WWOX: variants seen among roughly 807,000 people sequenced by gnomAD.
The protein encoded by WWOX is WW domain containing oxidoreductase.
Under a neutral mutation model 46.2 loss-of-function variants are expected in WWOX, and 69 were observed. The ratio of observed to expected loss-of-function variants is 1.49; its 90% confidence interval spans 1.23 to 1.82. The LOEUF is 1.82. Among genes scored for constraint, WWOX ranks in the 40% most tolerant of loss-of-function variants. The pLI is 0.00. For synonymous variants in WWOX, 359 were observed against 202.6 expected (o/e 1.77, Z -6.56); for missense variants, 919 against 542.6 (o/e 1.69, Z -6.89).
intron 5 of WWOX, among the ~76,000 whole-genome samples, chr16:78,222,372 A>C (rs1482560615): frequency 6.6e-6 from 1 of 151,536 alleles, no homozygotes; most frequent in Non-Finnish European, 1.5e-5. Flanking sequence ...GAGAAGTCCA[A>C]CTAGCTGAGT....
chr16:78,570,043 T>G (rs1468573372), intron 8 of WWOX, among the ~76,000 whole-genome samples: 2 of 152,200 alleles, frequency 1.3e-5, no homozygotes, highest in East Asian at 1.9e-4. Context: ...CAGGTGGATA[T>G]AAATATAAAG....
chr16:78,746,623 C>G (rs542571468), intron 8 of WWOX, among the ~76,000 whole-genome samples: 1 of 151,454 alleles, frequency 6.6e-6, no homozygotes, highest in South Asian at 2.1e-4. Context: ...GGATATTAGT[C>G]AACATGATGT....
intron 8 of WWOX, among the ~76,000 whole-genome samples, chr16:78,677,004 G>A (rs1222654707): frequency 2.0e-5 from 3 of 151,696 alleles, no homozygotes; most frequent in African/African-American, 7.3e-5. Context: ...TTGGTAGAAC[G>A]TAAGCAAATT....
chr16:79,053,537 C>G (rs752644037), intron 8 of WWOX, among the ~76,000 whole-genome samples: 2 of 152,084 alleles, frequency 1.3e-5, no homozygotes, highest in Non-Finnish European at 2.9e-5. Flanking sequence ...TTGCTTAATC[C>G]TCTGAGTGGA....
rs2045714440 is a variant in WWOX, at chr16:78,935,377, G to A, written c.1057-276231G>A. On this transcript the variant is annotated intron_variant, in intron 8 of 8. Coordinates refer to ENST00000566780, the MANE Select transcript of WWOX (RefSeq NM_016373.4). ...CTCAGATGTTCATCAATGATAGACT[G>A]GATTAAGAAAATGTGGCACATATAC... Among the ~76,000 whole-genome samples, 3 of 152,050 alleles carry A rather than the reference G, an allele frequency of 2.0e-5. No homozygotes were observed. In the South Asian group the frequency reaches 6.2e-4, roughly 32 times the overall value.
chr16:78,635,951 C>T (rs2046557717), intron 8 of WWOX, among the ~76,000 whole-genome samples: 2 of 152,122 alleles, frequency 1.3e-5, no homozygotes, highest in Admixed American at 6.5e-5. Flanking sequence ...TGTGGAAGTA[C>T]AGAGGAAGCC....
intron 8 of WWOX, among the ~76,000 whole-genome samples, chr16:79,082,688 C>T (rs1390280793): frequency 6.6e-6 from 1 of 152,192 alleles, no homozygotes; most frequent in East Asian, 1.9e-4. Context: ...TCTGCCAGCA[C>T]ATTTGGACAT....
rs573469737 is a variant in WWOX at position 78,603,442 on chromosome 16, C to A, written c.1056+170690C>A. On this transcript the variant is annotated intron_variant, in intron 8 of 8. Transcript: ENST00000566780. ...GGGTGCAGTGCCTCATGCCTGCAAT[C>A]CCAGCATTTTGGGAGGTTGAGGAGG... Among the ~76,000 whole-genome samples the A allele has an allele frequency of 3.5e-4, 54 of 152,314 alleles. No homozygotes were observed. The South Asian group carries it at 6.6e-3, about 19-fold the overall frequency.
chr16:79,174,589 A>G (rs1386190505), intron 8 of WWOX, among the ~76,000 whole-genome samples: 2 of 152,224 alleles, frequency 1.3e-5, no homozygotes, highest in African/African-American at 4.8e-5. Flanking sequence ...CAGAGGTTTC[A>G]GTGAGCCGAG....
At chr16:78,229,111 T>TGATC (rs942745141) in intron 5 of WWOX, among the ~76,000 whole-genome samples, 4 of 152,176 alleles carry the variant, frequency 2.6e-5, no homozygotes, top group African/African-American at 9.7e-5. Flanking sequence ...TTCCAGCATG[T>TGATC]GATCATACAT....
At chr16:78,171,640 A>C (rs1262375553) in intron 5 of WWOX, among the ~76,000 whole-genome samples, 1 of 152,154 alleles carries the variant, frequency 6.6e-6, no homozygotes, top group Non-Finnish European at 1.5e-5. Flanking sequence ...AAAAGCTATT[A>C]ATATTATTAA....
intron 8 of WWOX, among the ~76,000 whole-genome samples, chr16:79,090,604 C>G (rs778062897): frequency 4.6e-5 from 7 of 152,232 alleles, no homozygotes; most frequent in Admixed American, 1.3e-4. Flanking sequence ...CTGTATGGCT[C>G]TAGACAGGGT....
At chr16:78,489,226 A>C (rs1415432345) in intron 8 of WWOX, among the ~76,000 whole-genome samples, 1 of 152,206 alleles carries the variant, frequency 6.6e-6, no homozygotes, top group African/African-American at 2.4e-5. Flanking sequence ...ATGAAGAGTT[A>C]GGTCAAGTGA....
chr16:78,913,766 A>G lies in WWOX; in HGVS notation c.1057-297842A>G, dbSNP rs138238637. On this transcript the variant is annotated intron_variant, in intron 8 of 8. Transcript: ENST00000566780. ...AGCCTCCAACTCCTAGGCTGAAGCC[A>G]TCCTCCCACCGTAGCCTCCTGAATA... Among the ~76,000 whole-genome samples the G allele has an allele frequency of 5.0e-3, 752 of 151,566 alleles. 7 individuals carry two copies. Among genetic ancestry groups the G allele is most frequent in the African/African-American group, 0.016 (668 of 41,378 alleles).
chr16:78,487,665 A>G lies in WWOX; in HGVS notation c.1056+54913A>G, dbSNP rs191905376. ...TTAGTAACATCCCTGACCTCTAGCCATTAGATACCATCTCTCCCAGTAGGG... is the reference window on the plus strand; with the variant it reads ...TTAGTAACATCCCTGACCTCTAGCCGTTAGATACCATCTCTCCCAGTAGGG... On this transcript the variant is annotated intron_variant, in intron 8 of 8. Coordinates refer to ENST00000566780, the MANE Select transcript of WWOX (RefSeq NM_016373.4). Among the ~76,000 whole-genome samples, 3 of 152,260 alleles carry G rather than the reference A, an allele frequency of 2.0e-5. No homozygotes were observed. The East Asian group carries it at 5.8e-4, about 29-fold the overall frequency.
intron 8 of WWOX, among the ~76,000 whole-genome samples, chr16:78,922,818 G>A (rs537538824): frequency 1.6e-4 from 25 of 152,124 alleles, no homozygotes; most frequent in Admixed American, 7.9e-4. Context: ...GGAGCTTGGG[G>A]GTCCCAGTCC....
At chr16:78,619,286 C>T (rs2046117764) in intron 8 of WWOX, among the ~76,000 whole-genome samples, 1 of 124,334 alleles carries the variant, frequency 8.0e-6, no homozygotes, top group Non-Finnish European at 1.6e-5. Context: ...ATCGCTTGAA[C>T]CTGGGAGTCG....
intron 8 of WWOX, among the ~76,000 whole-genome samples, chr16:78,662,373 A>G (rs984414025): frequency 2.2e-4 from 34 of 152,148 alleles, no homozygotes; most frequent in Non-Finnish European, 4.9e-4. Flanking sequence ...TGAGACATCT[A>G]GTTTTTTTCT....
At chr16:78,372,100 T>C (rs968511345) in intron 5 of WWOX, among the ~76,000 whole-genome samples, 2 of 152,208 alleles carry the variant, frequency 1.3e-5, no homozygotes, top group African/African-American at 4.8e-5. Context: ...GCAATGAATC[T>C]AGTTGAGTGC....
Sources: gnomAD v4.1 joint callset for allele counts (sites outside exome capture counted in the v4.1 genomes callset) on GRCh38, gnomAD v4.1.1 for gene constraint, MANE v1.5 for transcripts, NCBI Gene and HGNC (gene_info 2026-07-23, HGNC 2026-07-21) for gene names.